The following CCDC178 variants were observed in gnomAD, a reference collection of about 807,000 sequenced individuals.
CCDC178 encodes coiled-coil domain-containing protein 178.
In CCDC178, 126 loss-of-function variants were observed where a neutral mutation model predicts 117.4. That is an observed-to-expected ratio of 1.07 (90% CI 0.93 to 1.24). The LOEUF is 1.24. CCDC178 is among the 50% of genes most tolerant of loss of function. CCDC178 has a pLI of 0.00. For missense variants in CCDC178, 1,030 were observed against 986.9 expected (o/e 1.04, Z -0.59); for synonymous variants, 283 against 313.4 (o/e 0.90, Z 1.02).
At chr18:32,953,161 A>G (rs1234248629) in intron 22 of CCDC178, among the ~76,000 whole-genome samples, 1 of 152,158 alleles carries the variant, frequency 6.6e-6, no homozygotes, top group Non-Finnish European at 1.5e-5. Flanking sequence ...ATCTCTCTCA[A>G]GTTCCAAGTT....
chr18:33,399,073 G>A (rs187425609), intron 3 of CCDC178, among the ~76,000 whole-genome samples: 48 of 152,172 alleles, frequency 3.2e-4, no homozygotes, highest in African/African-American at 6.7e-4. Flanking sequence ...GGTGGCAGGC[G>A]CCTGTAGTCC....
chr18:32,986,349 A>C (rs879647946), intron 21 of CCDC178, among the ~76,000 whole-genome samples: 3 of 152,052 alleles, frequency 2.0e-5, no homozygotes, highest in Non-Finnish European at 4.4e-5. Context: ...GAGGACTCCT[A>C]AGTTTTTGTT....
At chr18:33,306,512 T>C (rs1599135729) in intron 11 of CCDC178, among the ~76,000 whole-genome samples, 1 of 142,816 alleles carries the variant, frequency 7.0e-6, no homozygotes, top group African/African-American at 2.8e-5. Context: ...TGGTTATATA[T>C]AATATATGGT....
chr18:33,154,615 T>C (rs917262863), intron 20 of CCDC178, among the ~76,000 whole-genome samples: 1 of 152,088 alleles, frequency 6.6e-6, no homozygotes, highest in African/African-American at 2.4e-5. Context: ...ATTAAGAGTT[T>C]TACTAATTAC....
chr18:33,333,506 CTTTT>C (rs11361411), intron 9 of CCDC178, 112 bp from the exon 10 acceptor site: 1,402 of 152,234 alleles, frequency 9.2e-3, no homozygotes, highest in South Asian at 0.014. Flanking sequence ...AATCTTACTA[CTTTT>C]TTTTTTTTTT....
At chr18:32,965,987 C>A (rs937495473) in intron 22 of CCDC178, among the ~76,000 whole-genome samples, 6 of 149,146 alleles carry the variant, frequency 4.0e-5, no homozygotes, top group South Asian at 2.1e-4. Flanking sequence ...TTAATTATAT[C>A]TTTTTCCATG....
At chr18:33,286,067 G>A (rs575824085) in intron 12 of CCDC178, among the ~76,000 whole-genome samples, 5 of 147,662 alleles carry the variant, frequency 3.4e-5, no homozygotes, top group South Asian at 2.1e-4. Flanking sequence ...TCTGCCTCCC[G>A]GTTTCAAGCA....
chr18:32,979,238 CA>C (rs1386287459), intron 21 of CCDC178, among the ~76,000 whole-genome samples: 2 of 151,938 alleles, frequency 1.3e-5, no homozygotes, highest in Non-Finnish European at 2.9e-5. Flanking sequence ...TTCGCTGCAA[CA>C]TTGCTTCCTG....
At chr18:33,196,552 C>T (rs1055457257) in intron 20 of CCDC178, among the ~76,000 whole-genome samples, 3 of 152,028 alleles carry the variant, frequency 2.0e-5, no homozygotes, top group Admixed American at 6.5e-5. Context: ...AATTTGTAGC[C>T]AACTGGTGTC....
chr18:33,415,587 A>G (rs2063929009), intron 2 of CCDC178, among the ~76,000 whole-genome samples: 1 of 152,114 alleles, frequency 6.6e-6, no homozygotes, highest in African/African-American at 2.4e-5. Context: ...TAGGAGATAT[A>G]CCTAATGTAA....
intron 2 of CCDC178, among the ~76,000 whole-genome samples, chr18:33,436,960 T>C (rs1180461312): frequency 6.6e-6 from 1 of 151,622 alleles, no homozygotes; most frequent in Non-Finnish European, 1.5e-5. Context: ...TCTAGGTCCT[T>C]TTTCATGCAT....
chr18:32,983,500 G>A, intron 21 of CCDC178: 1 of 534,158 alleles, frequency 1.9e-6, no homozygotes, highest in South Asian at 2.8e-5. Context: ...AAAAAATGCT[G>A]TATCCTGTAG....
intron 20 of CCDC178, among the ~76,000 whole-genome samples, chr18:33,157,830 G>T (rs1336713746): frequency 6.6e-6 from 1 of 152,032 alleles, no homozygotes; most frequent in Non-Finnish European, 1.5e-5. Context: ...AGCAGGGGCC[G>T]CTTTCTGCTC....
chr18:33,277,950 A>C (rs2059970125), intron 12 of CCDC178, among the ~76,000 whole-genome samples: 1 of 152,116 alleles, frequency 6.6e-6, no homozygotes, highest in East Asian at 1.9e-4. Flanking sequence ...ATGAGGATCC[A>C]GATTCTGCAT....
rs71159828 is a variant in CCDC178, at chr18:33,388,519, A to ATTTTTTTTTTTTTTTTTT, written c.208+1003_208+1020dup. Among the ~76,000 whole-genome samples, 95 of 65,268 alleles carry ATTTTTTTTTTTTTTTTTT rather than the reference A, an allele frequency of 1.5e-3. 28 individuals are homozygous for ATTTTTTTTTTTTTTTTTT. Among genetic ancestry groups the ATTTTTTTTTTTTTTTTTT allele is most frequent in the African/African-American group, 2.1e-3 (34 of 15,862 alleles). The allele number at this position is 65,268 out of a possible 152,430, so 42.8% of individuals were successfully genotyped here. On this transcript the variant is annotated intron_variant, in intron 5 of 22. Transcript: ENST00000383096. ...AAATGTGGTACATATACACCACGGA[A>ATTTTTTTTTTTTTTTTTT]TTTTTTTTTTTTTTTTTTGAGACGG...
At chr18:33,166,770 T>C (rs934648260) in intron 20 of CCDC178, among the ~76,000 whole-genome samples, 2 of 152,170 alleles carry the variant, frequency 1.3e-5, no homozygotes, top group Non-Finnish European at 2.9e-5. Context: ...AAATTCATAC[T>C]GGTCTGATTT....
chr18:33,327,175 C>T (rs1378758379), intron 10 of CCDC178, among the ~76,000 whole-genome samples: 3 of 152,210 alleles, frequency 2.0e-5, no homozygotes, highest in East Asian at 1.9e-4. Flanking sequence ...TTTACCTATA[C>T]TGCATCTTTT....
In CCDC178 at chr18:33,209,400, T is replaced by C. The variant is rs117609676; in HGVS notation, c.2238+2496A>G. Among the ~76,000 whole-genome samples, 703 of 152,186 alleles carry C rather than the reference T, an allele frequency of 4.6e-3. 3 individuals are homozygous for C. The highest frequency in any genetic ancestry group is 0.014 in the Middle Eastern group (4 of 294). Reference sequence around the variant, plus strand: ...ATTCTCCATTAACTCTTGTGACTTTTATGAAGTATTTTATTAAACCATCCC... The same window carrying C: ...ATTCTCCATTAACTCTTGTGACTTTCATGAAGTATTTTATTAAACCATCCC... On this transcript the variant is annotated intron_variant, in intron 20 of 22. Transcript: ENST00000383096.
At chr18:33,132,923 AAAAGTTGTT>A (rs2058083484) in intron 20 of CCDC178, among the ~76,000 whole-genome samples, 1 of 151,964 alleles carries the variant, frequency 6.6e-6, no homozygotes, top group South Asian at 2.1e-4. Flanking sequence ...CCCTAACCCT[AAAAGTTGTT>A]AAAGGCATTT....
Sources: gnomAD v4.1 joint callset for allele counts (sites outside exome capture counted in the v4.1 genomes callset) on GRCh38, gnomAD v4.1.1 for gene constraint, MANE v1.5 for transcripts, NCBI Gene and HGNC (gene_info 2026-07-23, HGNC 2026-07-21) for gene names.